Variants in CDC42BPA observed in about 807,000 individuals in gnomAD.
CDC42BPA encodes the protein serine/threonine-protein kinase MRCK alpha.
A neutral mutation model predicts 223.5 loss-of-function variants in CDC42BPA; 80 were observed. The ratio of observed to expected loss-of-function variants is 0.36; its 90% CI spans 0.30 to 0.43. The LOEUF is 0.43. Ranked by LOEUF, CDC42BPA falls within the 20% of genes least tolerant of loss-of-function variation. CDC42BPA has a pLI of 1.00. For missense variants in CDC42BPA, 1,743 were observed against 2,099.9 expected, an observed-to-expected ratio of 0.83 and a Z score of 3.32; for synonymous variants, 694 against 718.6, an observed-to-expected ratio of 0.97 and a Z score of 0.55.
chr1:227,128,038 A>AT (rs1298630852), intron 11 of CDC42BPA, among the ~76,000 whole-genome samples: 1 of 152,172 alleles, frequency 6.6e-6, no homozygotes, highest in Non-Finnish European at 1.5e-5. Context: ...AGTAAAAACC[A>AT]AAGACCTTAC....
intron 11 of CDC42BPA, among the ~76,000 whole-genome samples, chr1:227,124,738 A>C (rs918208748): frequency 5.9e-5 from 9 of 152,144 alleles, no homozygotes; most frequent in Non-Finnish European, 1.0e-4. Flanking sequence ...AGAATTGAGA[A>C]ATTTCTACTT....
At chr1:227,300,088 TAGG>T (rs1177782997) in intron 1 of CDC42BPA, among the ~76,000 whole-genome samples, 2 of 150,726 alleles carry the variant, frequency 1.3e-5, no homozygotes, top group Non-Finnish European at 3.0e-5. Context: ...GGATTTTCTC[TAGG>T]AGAAGTTGAA....
chr1:227,133,339 G>A (rs1489245560), intron 10 of CDC42BPA, among the ~76,000 whole-genome samples: 3 of 150,668 alleles, frequency 2.0e-5, no homozygotes, highest in South Asian at 2.1e-4. Context: ...GGGAGGAGGT[G>A]GGGGCGGACA....
In CDC42BPA at chr1:227,129,251, A is replaced by G; in HGVS notation, c.1391-20T>C. 1 of 1,525,378 alleles carries G rather than the reference A, an allele frequency of 6.6e-7. No homozygotes were observed. Among genetic ancestry groups the G allele is most frequent in the Admixed American group, 2.4e-5 (1 of 42,062 alleles). 94.5% of individuals were successfully genotyped at this position (1,525,378 alleles called of 1,614,324 possible). Reference sequence around the variant, plus strand: ...TTGACTCTTTAAAAAAAAGGATAAAAGAAATAAAAATATCACCATACTCTA... The same window carrying G: ...TTGACTCTTTAAAAAAAAGGATAAAGGAAATAAAAATATCACCATACTCTA... On this transcript the variant is annotated intron_variant, in intron 10 of 36. Transcript: ENST00000366766.
rs1656459975 is a variant in CDC42BPA, at chr1:227,129,142, C to T, written c.1480G>A (p.Glu494Lys). Residue 494 changes from glutamate (E) to lysine (K), a missense_variant, in exon 11 of 37, where the codon GAA becomes AAA. By Grantham distance (56) the Glu-to-Lys change is moderately conservative. This residue lies in a region of CDC42BPA where 464 missense variants were observed against 488.0 expected (regional missense o/e 0.95). Coordinates refer to ENST00000366766, the MANE Select transcript of CDC42BPA (RefSeq NM_001394014.1). ...SKDLEIKNLK[E>K]EIEKLRKQVT... The stretch of plus-strand genomic sequence containing the variant: ...TGTTTTCTTAGTTTTTCAATTTCTT[C>T]TTTTAAGTTTTTTATTTCTAAATCT... The T allele has an allele frequency of 1.3e-6, 2 of 1,511,244 alleles. No individual in the cohort carries two copies. Among genetic ancestry groups the T allele is most frequent in the Non-Finnish European group, 9.2e-7 (1 of 1,090,714 alleles). The allele number at this position is 1,511,244 out of a possible 1,614,324, so 93.6% of individuals were successfully genotyped here. A position where few individuals can be genotyped will look rare whatever the true frequency, so the allele number is the denominator to read the frequency against.
chr1:226,994,690 TG>T lies in CDC42BPA; in HGVS notation c.5133+132del. ...CCGAGTGACTGGCCTAGCTGCCCGC[TG>T]GCCAAGAGTGAATGCTGGCCCCTGA... is the stretch of plus-strand genomic sequence containing the variant. On this transcript the variant is annotated intron_variant, in intron 36 of 36. Transcript: ENST00000366766. This position sits in a 1 kb window ranked among gnomAD's most constrained non-coding sequence, Gnocchi z 4.0. The T allele has an allele frequency of 1.1e-6, 1 of 952,212 alleles. No individual in the cohort carries two copies. The highest frequency in any genetic ancestry group is 1.6e-6 in the Non-Finnish European group (1 of 639,758). The allele number at this position is 952,212 out of a possible 1,614,324, so 59.0% of individuals were successfully genotyped here.
chr1:227,129,702 C>CATATATATATATATATATATATAT lies in CDC42BPA; in HGVS notation c.1391-472_1391-471insATATATATATATATATATATATAT, dbSNP rs1196658904. 6.5e-3 allele frequency among the ~76,000 whole-genome samples: 461 copies of CATATATATATATATATATATATAT among 70,786 alleles called. 6 individuals are homozygous for CATATATATATATATATATATATAT. The highest frequency in any genetic ancestry group is 8.6e-3 in the Middle Eastern group (1 of 116). 46.4% of individuals were successfully genotyped at this position (70,786 alleles called of 152,430 possible). A position where few individuals can be genotyped will look rare whatever the true frequency, so the allele number is the denominator to read the frequency against. ...AAAAAAAAAAAAAAAAAATCCACTGCATATATATATATACAAAAGAATCCA... is the reference window on the plus strand; with the variant it reads ...AAAAAAAAAAAAAAAAAATCCACTGCATATATATATATATATATATATATATATATATATATACAAAAGAATCCA... On this transcript the variant is annotated intron_variant, in intron 10 of 36. Transcript: ENST00000366766.
chr1:226,994,463 A>C lies in CDC42BPA; in HGVS notation c.5134-64T>G. The C allele has an allele frequency of 6.9e-7, 1 of 1,451,964 alleles. No homozygotes were observed. Among genetic ancestry groups the C allele is most frequent in the Non-Finnish European group, 9.1e-7 (1 of 1,097,150 alleles). The allele number at this position is 1,451,964 out of a possible 1,614,324, so 89.9% of individuals were successfully genotyped here. On this transcript the variant is annotated intron_variant, in intron 36 of 36. Coordinates refer to ENST00000366766, the MANE Select transcript of CDC42BPA (RefSeq NM_001394014.1). The surrounding 1 kb of genome is among the most constrained non-coding windows in gnomAD (Gnocchi z 4.0). ...GGAGAAAGGGAGGCAGAAGGGGCTC[A>C]GATTACCACCGCCCCCTCCAGCCAC...
intron 15 of CDC42BPA, among the ~76,000 whole-genome samples, chr1:227,100,781 T>TGTGTGTGTGTGTGTGC (rs1488030733): frequency 1.3e-5 from 2 of 149,786 alleles, no homozygotes; most frequent in African/African-American, 5.0e-5. Flanking sequence ...TGTGTGTGCG[T>TGTGTGTGTGTGTGTGC]GTGCCATCAT....
At chr1:227,026,229 T>C (rs1460395126) in intron 30 of CDC42BPA, 77 bp from the exon 31 acceptor site, 1 of 738,196 alleles carries the variant, frequency 1.4e-6, no homozygotes, top group Non-Finnish European at 2.3e-6. Flanking sequence ...AGGTCTACAC[T>C]AAATAACTGT....
At chr1:227,200,435 A>AAG (rs1558744148) in intron 3 of CDC42BPA, among the ~76,000 whole-genome samples, 1,600 of 87,616 alleles carry the variant, frequency 0.018, 21 homozygotes, top group Non-Finnish European at 0.027. Flanking sequence ...TGCCTTAAAA[A>AAG]ACAAACAAAC....
Position 227,213,137 on chromosome 1 carries a change from T to G in CDC42BPA, c.353A>C (p.Glu118Ala), listed in dbSNP as rs1674228739. The G allele has an allele frequency of 6.8e-7, 1 of 1,481,356 alleles. No individual in the cohort carries two copies. The highest frequency in any genetic ancestry group is 9.3e-7 in the Non-Finnish European group (1 of 1,071,356). The allele number at this position is 1,481,356 out of a possible 1,614,324, so 91.8% of individuals were successfully genotyped here. ...TATTCCAATACATAAGACTCTTACCTCAGCTCTTTTCAGCATTTCCCATTT... is the reference window on the plus strand; with the variant it reads ...TATTCCAATACATAAGACTCTTACCGCAGCTCTTTTCAGCATTTCCCATTT... ...LNKWEMLKRA[E>A]TACFREERDV... The change falls in exon 3 of 37, where the codon GAG becomes GCG. Residue 118 changes from glutamate (E) to alanine (A), a missense_variant and splice_region_variant. Transcript: ENST00000366766.
Position 227,190,897 on chromosome 1 carries a change from G to A in CDC42BPA, c.599+2889C>T, listed in dbSNP as rs553829327. ...AGTGTGTGGTGGGGGGTTAAGACAA[G>A]GAAGGTAGGAAGTGTATACAAATTG... On this transcript the variant is annotated intron_variant, in intron 5 of 36. Coordinates refer to ENST00000366766, the MANE Select transcript of CDC42BPA (RefSeq NM_001394014.1). Among the ~76,000 whole-genome samples the A allele has an allele frequency of 2.6e-5, 4 of 152,224 alleles. No homozygotes were observed. In the South Asian group the frequency reaches 8.3e-4, roughly 32 times the overall value.
intron 23 of CDC42BPA, among the ~76,000 whole-genome samples, chr1:227,046,942 T>C (rs1243378560): frequency 1.3e-5 from 2 of 152,172 alleles, no homozygotes; most frequent in Admixed American, 6.5e-5. Context: ...CTGATGATAA[T>C]CTCATTTTCT....
intron 10 of CDC42BPA, among the ~76,000 whole-genome samples, chr1:227,133,706 G>A (rs1453740495): frequency 6.6e-6 from 1 of 152,044 alleles, no homozygotes; most frequent in Non-Finnish European, 1.5e-5. Flanking sequence ...TGTCCACTCA[G>A]GGTTAAATGG....
At chr1:227,055,192 G>C (rs1414722322) in intron 21 of CDC42BPA, among the ~76,000 whole-genome samples, 1 of 151,708 alleles carries the variant, frequency 6.6e-6, no homozygotes, top group Non-Finnish European at 1.5e-5. Context: ...AAAATGTCCA[G>C]GCCTTTTAAA....
intron 10 of CDC42BPA, among the ~76,000 whole-genome samples, chr1:227,130,607 C>T (rs12118896): frequency 0.013 from 1,960 of 148,210 alleles, 15 homozygotes; most frequent in Non-Finnish European, 0.02. Context: ...GTAATCCCAG[C>T]GCTTTGGGAG....
chr1:227,201,439 A>G (rs961083052), intron 3 of CDC42BPA, among the ~76,000 whole-genome samples: 2 of 152,192 alleles, frequency 1.3e-5, no homozygotes, highest in African/African-American at 4.8e-5. Context: ...TACCACACCC[A>G]GCCTAAAAAT....
intron 10 of CDC42BPA, among the ~76,000 whole-genome samples, chr1:227,131,403 G>C (rs551224339): frequency 2.6e-4 from 39 of 152,176 alleles, no homozygotes; most frequent in Non-Finnish European, 4.4e-4. Flanking sequence ...ATGGTACCTT[G>C]AGAAGAAGTC....
Sources: gnomAD v4.1 joint callset for allele counts (sites outside exome capture counted in the v4.1 genomes callset) on GRCh38, gnomAD v4.1.1 for gene constraint, gnomAD v4.1.1 regional missense constraint, Gnocchi (gnomAD v3.1) non-coding constraint, MANE v1.5 for transcripts, NCBI Gene and HGNC (gene_info 2026-07-23, HGNC 2026-07-21) for gene names.